The following DIP2C variants were observed in gnomAD, a reference collection of about 807,000 sequenced individuals.
DIP2C encodes DIP2 acetate--CoA ligase C (putative).
A neutral mutation model predicts 192.4 loss-of-function variants in DIP2C; 33 were observed. That is an observed-to-expected ratio of 0.17 (90% CI 0.13 to 0.23). The LOEUF (loss-of-function observed/expected upper bound fraction) is 0.23, where lower values mean the gene tolerates loss of function less well. Among genes scored for constraint, DIP2C ranks in the 10% least tolerant of loss-of-function variants. The pLI is 1.00. For missense variants in DIP2C, 1,537 were observed against 2,110.1 expected, an observed-to-expected ratio of 0.73 and a Z score of 5.32; for synonymous variants, 979 against 864.1, an observed-to-expected ratio of 1.13 and a Z score of -2.33.
Position 344,389 on chromosome 10 carries a change from GGGGGC to G in DIP2C, c.3453+415_3453+419del, listed in dbSNP as rs989652667. Among the ~76,000 whole-genome samples, 15 of 131,772 alleles carry G rather than the reference GGGGGC, an allele frequency of 1.1e-4. 1 individual carries two copies. Among genetic ancestry groups the G allele is most frequent in the Admixed American group, 5.5e-4 (7 of 12,752 alleles). 86.4% of individuals were successfully genotyped at this position (131,772 alleles called of 152,430 possible). On this transcript the variant is annotated intron_variant, in intron 28 of 36. Coordinates refer to ENST00000280886, the MANE Select transcript of DIP2C (RefSeq NM_014974.3). Reference sequence around the variant, plus strand: ...GCTGCGAAGTCCCCAAGGGTGGGGCGGGGGCGGGGCGGGGGGGGGTTTGCACGGCA... The same window carrying G: ...GCTGCGAAGTCCCCAAGGGTGGGGCGGGGGCGGGGGGGGGTTTGCACGGCA...
chr10:597,529 C>CGCTGGGCAGCAGG (rs1424540773), intron 1 of DIP2C, among the ~76,000 whole-genome samples: 24 of 152,344 alleles, frequency 1.6e-4, no homozygotes, highest in Admixed American at 5.2e-4. Flanking sequence ...GCCGAGGACA[C>CGCTGGGCAGCAGG]GCTGGGCAGC....
chr10:431,096 G>A (rs1199755490), intron 4 of DIP2C, among the ~76,000 whole-genome samples: 1 of 152,220 alleles, frequency 6.6e-6, no homozygotes, highest in Non-Finnish European at 1.5e-5. Flanking sequence ...ATACCACACT[G>A]TCTGGATTAT....
rs776409602 is a variant in DIP2C at position 423,029 on chromosome 10, G to C, written c.399C>G (p.Thr133=). Residue 133 remains threonine (T), a synonymous_variant, in exon 5 of 37, where the codon ACC becomes ACG. Coordinates refer to ENST00000280886, the MANE Select transcript of DIP2C (RefSeq NM_014974.3). ...TSMDAYTPPD[T]SSGSEDEGSV... ...AGCCTTCATCTTCTGAGCCAGAAGA[G>C]GTATCTGTGTAAGAAGAAAGGTGAT... The C allele has an allele frequency of 3.1e-6, 5 of 1,606,090 alleles. No homozygotes were observed. The highest frequency in any genetic ancestry group is 4.3e-6 in the Non-Finnish European group (5 of 1,175,092).
chr10:277,302 T>A lies in DIP2C; in HGVS notation c.*23A>T. The A allele has an allele frequency of 6.2e-7, 1 of 1,611,758 alleles. No homozygotes were observed. ...AACAATGTCTACATCTCTAGAAAAG[T>A]CCATGGAAGCCAAGAGACGAGACTA... On this transcript the variant is annotated 3_prime_UTR_variant, in exon 37 of 37. Coordinates refer to ENST00000280886, the MANE Select transcript of DIP2C (RefSeq NM_014974.3).
chr10:522,179 C>G (rs549344117), intron 1 of DIP2C, among the ~76,000 whole-genome samples: 1 of 152,160 alleles, frequency 6.6e-6, no homozygotes, highest in Non-Finnish European at 1.5e-5. Context: ...TGGACTCAGA[C>G]AGCAGGCAGC....
intron 1 of DIP2C, among the ~76,000 whole-genome samples, chr10:531,987 G>A (rs1033500305): frequency 6.6e-6 from 1 of 152,120 alleles, no homozygotes; most frequent in African/African-American, 2.4e-5. Context: ...GGTACCAACC[G>A]GCTCCAAAAT....
At chr10:646,931 C>T (rs1234912748) in intron 1 of DIP2C, among the ~76,000 whole-genome samples, 6 of 152,250 alleles carry the variant, frequency 3.9e-5, no homozygotes, top group Non-Finnish European at 8.8e-5. Flanking sequence ...AAACAACTGC[C>T]TTCATACCTA....
At chr10:321,381 C>T (rs1179241969) in intron 31 of DIP2C, among the ~76,000 whole-genome samples, 2 of 152,266 alleles carry the variant, frequency 1.3e-5, no homozygotes, top group Non-Finnish European at 2.9e-5. Context: ...GCCCTTGACA[C>T]ATCCTAAGCC....
intron 9 of DIP2C, among the ~76,000 whole-genome samples, chr10:406,935 A>C (rs1964846531): frequency 6.6e-6 from 1 of 152,004 alleles, no homozygotes; most frequent in Non-Finnish European, 1.5e-5. Flanking sequence ...CCAGGAACAG[A>C]AGACAGCAGG....
chr10:299,423 A>G (rs1955914690), intron 32 of DIP2C, among the ~76,000 whole-genome samples: 1 of 152,242 alleles, frequency 6.6e-6, no homozygotes, highest in East Asian at 1.9e-4. Flanking sequence ...GAAGATTTCC[A>G]AAGTCTTTTT....
At chr10:459,777 C>T (rs1200654187) in intron 3 of DIP2C, among the ~76,000 whole-genome samples, 4 of 145,672 alleles carry the variant, frequency 2.7e-5, no homozygotes, top group Non-Finnish European at 4.5e-5. Context: ...CATCAGGGAA[C>T]CACCTGCTGC....
intron 4 of DIP2C, 135 bp from the exon 5 acceptor site, chr10:423,168 A>G: frequency 1.3e-6 from 1 of 795,434 alleles, no homozygotes. Flanking sequence ...CACTCTTGAG[A>G]AGTTAAACCA....
intron 1 of DIP2C, among the ~76,000 whole-genome samples, chr10:504,625 G>A (rs754267837): frequency 2.6e-5 from 4 of 152,088 alleles, no homozygotes; most frequent in South Asian, 2.1e-4. Context: ...AAGCACCCAC[G>A]GGCTCCGTGT....
chr10:439,634 A>G (rs1345063322), intron 4 of DIP2C, among the ~76,000 whole-genome samples: 1 of 152,104 alleles, frequency 6.6e-6, no homozygotes, highest in Non-Finnish European at 1.5e-5. Flanking sequence ...AAAACAAACA[A>G]AAAACAACAA....
At chr10:305,605 A>T (rs1956279422) in intron 32 of DIP2C, among the ~76,000 whole-genome samples, 1 of 152,228 alleles carries the variant, frequency 6.6e-6, no homozygotes, top group African/African-American at 2.4e-5. Context: ...CTAGGACTTT[A>T]CACCAATGTA....
chr10:595,039 T>C (rs1851623939), intron 1 of DIP2C, among the ~76,000 whole-genome samples: 1 of 152,196 alleles, frequency 6.6e-6, no homozygotes, highest in Non-Finnish European at 1.5e-5. Flanking sequence ...GTGTGTCCGA[T>C]GCCCGTTCAC....
At position 413,961 on chromosome 10, in the gene DIP2C, G is replaced by C. The variant is rs759160217; in HGVS notation, c.1009C>G (p.Leu337Val). 5.6e-6 allele frequency: 9 copies of C among 1,614,230 alleles called. No homozygotes were observed. The highest frequency in any genetic ancestry group is 8.5e-7 in the Non-Finnish European group (1 of 1,180,042). The change falls in exon 8 of 37, where the codon CTG becomes GTG. Residue 337 changes from leucine to valine, a missense_variant. Leu to Val is a conservative substitution (Grantham distance 32, BLOSUM62 1). Coordinates refer to ENST00000280886, the MANE Select transcript of DIP2C (RefSeq NM_014974.3). ...WGTISPKAPCLTTMDTNGKPL... is the reference protein window; with the variant it reads ...WGTISPKAPCVTTMDTNGKPL... ...TTCCCGTTGGTGTCCATGGTGGTCAGGCAGGGCGCCTTGGGCGAGATGGTG... is the reference window on the plus strand; with the variant it reads ...TTCCCGTTGGTGTCCATGGTGGTCACGCAGGGCGCCTTGGGCGAGATGGTG...
rs755133576 is a variant in DIP2C at position 387,733 on chromosome 10, G to A, written c.1662+12C>T. 3 of 1,613,836 alleles carry A rather than the reference G, an allele frequency of 1.9e-6. No individual in the cohort carries two copies. Among genetic ancestry groups the A allele is most frequent in the Admixed American group, 1.7e-5 (1 of 60,000 alleles). On this transcript the variant is annotated intron_variant, in intron 14 of 36. Coordinates refer to ENST00000280886, the MANE Select transcript of DIP2C (RefSeq NM_014974.3). ...CTTTGTGGACAGACACGGCCGGGGGGACCTCACTTACTGTCAGGATGCCAT... is the reference window on the plus strand; with the variant it reads ...CTTTGTGGACAGACACGGCCGGGGGAACCTCACTTACTGTCAGGATGCCAT...
At chr10:515,400 C>T (rs1403350989) in intron 1 of DIP2C, among the ~76,000 whole-genome samples, 3 of 152,166 alleles carry the variant, frequency 2.0e-5, no homozygotes, top group Admixed American at 6.5e-5. Context: ...CATAGACTGG[C>T]TTTTGGTTCA....
Sources: allele counts gnomAD v4.1 joint callset (sites outside exome capture counted in the v4.1 genomes callset), GRCh38; gene constraint gnomAD v4.1.1; transcripts MANE v1.5; gene names NCBI Gene and HGNC (gene_info 2026-07-23, HGNC 2026-07-21).